STARD13: variants seen among roughly 807,000 people sequenced by gnomAD.
STARD13 encodes stAR-related lipid transfer protein 13.
A neutral mutation model predicts 106.4 loss-of-function variants in STARD13; 62 were observed. The observed-to-expected ratio is 0.58, with a 90% confidence interval of 0.48 to 0.72. STARD13 has a LOEUF of 0.72. STARD13 is among the 30% of genes least tolerant of loss of function. The pLI is 0.00. For missense variants in STARD13, 1,387 were observed against 1,424.0 expected (o/e 0.97, Z 0.42); for synonymous variants, 565 against 553.0 (o/e 1.02, Z -0.31).
chr13:33,643,159 G>GCACGCA, the STARD13 span, among the ~76,000 whole-genome samples: 10 of 139,714 alleles, frequency 7.2e-5, no homozygotes, highest in African/African-American at 2.6e-4. Flanking sequence ...CATAGAACAT[G>GCACGCA]CACACACACA....
chr13:33,373,992 C>T, the STARD13 span, among the ~76,000 whole-genome samples: 2,428 of 152,144 alleles, frequency 0.016, 25 homozygotes, highest in Non-Finnish European at 0.026. Flanking sequence ...ACACACATAT[C>T]CATAACTGCA....
the STARD13 span, among the ~76,000 whole-genome samples, chr13:33,510,210 A>T: frequency 6.6e-6 from 1 of 152,184 alleles, no homozygotes; most frequent in Non-Finnish European, 1.5e-5. Flanking sequence ...CAACCAAAAA[A>T]ATGTCATAAC....
the STARD13 span, among the ~76,000 whole-genome samples, chr13:33,359,169 A>C: frequency 1.3e-5 from 2 of 151,904 alleles, no homozygotes; most frequent in African/African-American, 4.8e-5. Context: ...TTTGCAATAA[A>C]TTTTGCTACT....
the STARD13 span, chr13:33,439,690 C>T: frequency 2.4e-6 from 3 of 1,266,400 alleles, no homozygotes; most frequent in East Asian, 5.6e-5. Flanking sequence ...GGGAGACTTA[C>T]CCACTCTTTC....
the STARD13 span, among the ~76,000 whole-genome samples, chr13:33,638,218 G>A: frequency 6.6e-6 from 1 of 152,192 alleles, no homozygotes; most frequent in African/African-American, 2.4e-5. Flanking sequence ...TGTACCCAGG[G>A]TAGTTGGGCT....
At chr13:33,449,547 G>A in the STARD13 span, among the ~76,000 whole-genome samples, 5 of 152,128 alleles carry the variant, frequency 3.3e-5, no homozygotes, top group South Asian at 6.2e-4. Flanking sequence ...AATGTCACCA[G>A]GTTTATTCTT....
At chr13:33,329,508 G>A (rs529674590) in intron 1 of STARD13, among the ~76,000 whole-genome samples, 2 of 152,010 alleles carry the variant, frequency 1.3e-5, no homozygotes, top group African/African-American at 2.4e-5. Context: ...TAGATTCTAC[G>A]TAAAAGGGAG....
At chr13:33,544,940 A>T in the STARD13 span, among the ~76,000 whole-genome samples, 1 of 150,432 alleles carries the variant, frequency 6.6e-6, no homozygotes, top group East Asian at 2.0e-4. Flanking sequence ...CACCTGGCTA[A>T]TTTTTTTGTT....
the STARD13 span, among the ~76,000 whole-genome samples, chr13:33,370,619 C>CTTTTTTTT: frequency 3.3e-4 from 44 of 131,586 alleles, no homozygotes; most frequent in East Asian, 6.4e-4. Context: ...TTCTTTCTTT[C>CTTTTTTTT]TTTTTTTTTT....
chr13:33,213,129 T>A (rs1887821292), intron 1 of STARD13, among the ~76,000 whole-genome samples: 1 of 152,192 alleles, frequency 6.6e-6, no homozygotes, highest in Non-Finnish European at 1.5e-5. Context: ...GTAACAGTAA[T>A]GCCAGCTGGG....
intron 1 of STARD13, among the ~76,000 whole-genome samples, chr13:33,197,991 A>G (rs909421848): frequency 2.0e-5 from 3 of 152,188 alleles, no homozygotes; most frequent in Admixed American, 2.0e-4. Context: ...TAACATGGTA[A>G]AACCCCGCCT....
chr13:33,285,662 C>CTCAGTGGCAGATT lies in STARD13; in HGVS notation c.-25_-24insAATCTGCCACTGA. ...ATCTCGGCAGATTTCCTATTGCCAC[C>CTCAGTGGCAGATT]TCAGTCTGCCTGTGGCTGTTGCCGT... On this transcript the variant is annotated 5_prime_UTR_variant, in exon 1 of 14. Transcript: ENST00000336934. 6.2e-7 allele frequency: 1 copy of CTCAGTGGCAGATT among 1,609,874 alleles called. No homozygotes were observed. The highest frequency in any genetic ancestry group is 8.5e-7 in the Non-Finnish European group (1 of 1,178,744).
the STARD13 span, among the ~76,000 whole-genome samples, chr13:33,416,430 G>C: frequency 8.5e-5 from 13 of 152,294 alleles, no homozygotes; most frequent in East Asian, 2.5e-3. Context: ...GAAGTGTGCA[G>C]AATAACAAGG....
chr13:33,416,276 C>T, the STARD13 span, among the ~76,000 whole-genome samples: 1 of 152,078 alleles, frequency 6.6e-6, no homozygotes, highest in Admixed American at 6.5e-5. Flanking sequence ...AAAAGTAAAA[C>T]ATTTTCAAAA....
At chr13:33,251,978 C>T (rs185143920) in intron 1 of STARD13, among the ~76,000 whole-genome samples, 186 of 152,112 alleles carry the variant, frequency 1.2e-3, no homozygotes, top group African/African-American at 4.1e-3. Flanking sequence ...AAAATCAAAA[C>T]GATAAGCTTT....
At chr13:33,107,233 G>T (rs1475547964) in intron 12 of STARD13, among the ~76,000 whole-genome samples, 4 of 152,128 alleles carry the variant, frequency 2.6e-5, no homozygotes, top group Non-Finnish European at 5.9e-5. Flanking sequence ...TTCTCGAAGA[G>T]GTGGTTTTAC....
the STARD13 span, among the ~76,000 whole-genome samples, chr13:33,391,947 C>T: frequency 6.6e-6 from 1 of 152,076 alleles, no homozygotes; most frequent in South Asian, 2.1e-4. Context: ...GGAAAAGCTC[C>T]GTGATATAAT....
the STARD13 span, among the ~76,000 whole-genome samples, chr13:33,460,285 A>G: frequency 6.6e-6 from 1 of 152,092 alleles, no homozygotes; most frequent in South Asian, 2.1e-4. Context: ...CAGGAGATGG[A>G]GACCATCCTG....
intron 10 of STARD13, among the ~76,000 whole-genome samples, chr13:33,111,117 T>C (rs1874494482): frequency 6.6e-6 from 1 of 152,260 alleles, no homozygotes. Flanking sequence ...CTGTATTTAT[T>C]ATTCAAAACA....
Sources: gnomAD v4.1 joint callset for allele counts (sites outside exome capture counted in the v4.1 genomes callset) on GRCh38, gnomAD v4.1.1 for gene constraint, MANE v1.5 for transcripts, NCBI Gene and HGNC (gene_info 2026-07-23, HGNC 2026-07-21) for gene names.